Variants in ADAMTSL1 observed in about 807,000 individuals in gnomAD.
ADAMTSL1 encodes the protein ADAMTS-like protein 1.
Under a neutral mutation model 201.8 loss-of-function variants are expected in ADAMTSL1, and 126 were observed. That is an observed-to-expected ratio of 0.62 (90% CI 0.54 to 0.72). The LOEUF (loss-of-function observed/expected upper bound fraction) is 0.72, where lower values mean the gene tolerates loss of function less well. Ranked by LOEUF, ADAMTSL1 falls within the 30% of genes least tolerant of loss-of-function variation. The pLI, the probability that ADAMTSL1 is intolerant of heterozygous loss-of-function variation, is 0.00. For missense variants in ADAMTSL1, 2,679 were observed against 2,277.8 expected, an observed-to-expected ratio of 1.18 and a Z score of -3.59; for synonymous variants, 1,121 against 903.4, an observed-to-expected ratio of 1.24 and a Z score of -4.32.
chr9:18,348,353 T>G (rs1835816253), intron 2 of ADAMTSL1, among the ~76,000 whole-genome samples: 1 of 152,164 alleles, frequency 6.6e-6, no homozygotes, highest in Non-Finnish European at 1.5e-5. Flanking sequence ...CTTCCACTAC[T>G]GCTGCTTTTC....
intron 20 of ADAMTSL1, among the ~76,000 whole-genome samples, chr9:18,815,058 C>G (rs1368556454): frequency 1.3e-5 from 2 of 152,046 alleles, no homozygotes; most frequent in African/African-American, 4.8e-5. Flanking sequence ...CAAAAAATAG[C>G]AAATACTGGC....
chr9:18,206,235 T>G lies in ADAMTSL1; in HGVS notation c.207+42254T>G, dbSNP rs1251845634. On this transcript the variant is annotated intron_variant, in intron 2 of 29. Coordinates refer to the ADAMTSL1 transcript ENST00000680146. The stretch of plus-strand genomic sequence containing the variant: ...GTTCCTTAGAAGCTGATGTATTTTT[T>G]TGTGTGTGTGTCCTTGTTCCTTGCC... 3.9e-5 allele frequency among the ~76,000 whole-genome samples: 6 copies of G among 152,154 alleles called. 1 individual carries two copies. The highest frequency in any genetic ancestry group is 2.0e-4 in the Admixed American group (3 of 15,262).
intron 2 of ADAMTSL1, among the ~76,000 whole-genome samples, chr9:18,460,654 G>T (rs10733354): frequency 6.6e-6 from 1 of 151,974 alleles, no homozygotes; most frequent in Non-Finnish European, 1.5e-5. Flanking sequence ...CTATCGCTAC[G>T]CTCAGCTTCT....
At chr9:17,916,626 G>A (rs983058634) in intron 1 of ADAMTSL1, among the ~76,000 whole-genome samples, 1 of 152,098 alleles carries the variant, frequency 6.6e-6, no homozygotes, top group Admixed American at 6.6e-5. Flanking sequence ...CCACACACGC[G>A]TAGGTCTATT....
chr9:18,811,273 C>T (rs996499624), intron 20 of ADAMTSL1, among the ~76,000 whole-genome samples: 1 of 152,138 alleles, frequency 6.6e-6, no homozygotes, highest in Admixed American at 6.5e-5. Flanking sequence ...ATTTTCAGTC[C>T]TCGTTCATTA....
At chr9:18,751,080 A>C (rs549994185) in intron 15 of ADAMTSL1, among the ~76,000 whole-genome samples, 1 of 152,342 alleles carries the variant, frequency 6.6e-6, no homozygotes, top group Admixed American at 6.5e-5. Context: ...CACTAAGTCT[A>C]GCCCATACTC....
At chr9:18,901,055 A>C (rs1829988900) in intron 26 of ADAMTSL1, among the ~76,000 whole-genome samples, 2 of 152,230 alleles carry the variant, frequency 1.3e-5, no homozygotes, top group South Asian at 4.2e-4. Context: ...TATGATTGTA[A>C]GCTTCCTGAG....
At chr9:18,200,010 C>T (rs941151405) in intron 2 of ADAMTSL1, among the ~76,000 whole-genome samples, 1 of 151,904 alleles carries the variant, frequency 6.6e-6, no homozygotes, top group East Asian at 1.9e-4. Flanking sequence ...TCTGATGGCT[C>T]ATAATAATGA....
At chr9:18,030,707 C>T (rs1820914709) in intron 1 of ADAMTSL1, among the ~76,000 whole-genome samples, 1 of 152,014 alleles carries the variant, frequency 6.6e-6, no homozygotes, top group African/African-American at 2.4e-5. Flanking sequence ...GAATTGACCT[C>T]TCTAGTAAAA....
At chr9:18,176,345 G>A (rs1184088094) in intron 2 of ADAMTSL1, among the ~76,000 whole-genome samples, 1 of 152,110 alleles carries the variant, frequency 6.6e-6, no homozygotes, top group Non-Finnish European at 1.5e-5. Flanking sequence ...ATTAAAATGT[G>A]AGCAATAGTA....
At chr9:18,285,787 A>G (rs1015104525) in intron 2 of ADAMTSL1, among the ~76,000 whole-genome samples, 4 of 152,098 alleles carry the variant, frequency 2.6e-5, no homozygotes, top group Non-Finnish European at 5.9e-5. Flanking sequence ...CTTCTCCAAT[A>G]TTAGAATTTT....
chr9:18,892,773 A>ATTCT (rs779963184), intron 26 of ADAMTSL1, among the ~76,000 whole-genome samples, 177 bp downstream of exon 26: 7 of 152,098 alleles, frequency 4.6e-5, no homozygotes, highest in Non-Finnish European at 8.8e-5. Flanking sequence ...CAGGCTTTTA[A>ATTCT]TTCTTTGTGT....
chr9:18,902,422 C>G (rs778116274), intron 26 of ADAMTSL1, among the ~76,000 whole-genome samples: 8 of 151,718 alleles, frequency 5.3e-5, no homozygotes, highest in Non-Finnish European at 1.2e-4. Context: ...TTTCCAACCA[C>G]AGGGAAGGAA....
At chr9:18,745,586 G>A (rs967002778) in intron 15 of ADAMTSL1, among the ~76,000 whole-genome samples, 7 of 152,080 alleles carry the variant, frequency 4.6e-5, no homozygotes, top group African/African-American at 7.2e-5. Flanking sequence ...CTGGGCACTC[G>A]ATTTGCTTGA....
At chr9:18,093,821 G>A (rs1824128065) in intron 1 of ADAMTSL1, among the ~76,000 whole-genome samples, 2 of 152,290 alleles carry the variant, frequency 1.3e-5, no homozygotes, top group South Asian at 2.1e-4. Flanking sequence ...GAAAGCTGGT[G>A]TTTGAACCAA....
intron 3 of ADAMTSL1, among the ~76,000 whole-genome samples, chr9:18,569,041 A>G (rs1822121781): frequency 1.3e-5 from 2 of 152,106 alleles, no homozygotes; most frequent in Non-Finnish European, 2.9e-5. Flanking sequence ...CCATTTTAAA[A>G]CCTTTTATAT....
Position 18,232,217 on chromosome 9 carries a change from A to T in ADAMTSL1, c.207+68236A>T, listed in dbSNP as rs1044249749. Among the ~76,000 whole-genome samples the T allele has an allele frequency of 2.0e-5, 3 of 152,142 alleles. No homozygotes were observed. The East Asian group carries it at 5.8e-4, about 29-fold the overall frequency. On this transcript the variant is annotated intron_variant, in intron 2 of 29. Transcript: ENST00000680146. Reference sequence around the variant, plus strand: ...CTAGCTTCCTTGCTCTTCTCCAGACATGCCTGCCTGGATCCTTTATACTTG... The same window carrying T: ...CTAGCTTCCTTGCTCTTCTCCAGACTTGCCTGCCTGGATCCTTTATACTTG...
chr9:18,628,398 C>T (rs1826532863), intron 5 of ADAMTSL1, among the ~76,000 whole-genome samples: 1 of 152,118 alleles, frequency 6.6e-6, no homozygotes, highest in Non-Finnish European at 1.5e-5. Flanking sequence ...ATTGCCGTTT[C>T]TCTGAGGGTC....
chr9:18,888,954 T>G (rs973123831), intron 24 of ADAMTSL1, among the ~76,000 whole-genome samples: 1 of 152,206 alleles, frequency 6.6e-6, no homozygotes, highest in African/African-American at 2.4e-5. Context: ...AGGGCCTATT[T>G]GCAAGACTTG....
Sources: allele counts gnomAD v4.1 joint callset (sites outside exome capture counted in the v4.1 genomes callset), GRCh38; gene constraint gnomAD v4.1.1; transcripts MANE v1.5; gene names NCBI Gene and HGNC (gene_info 2026-07-23, HGNC 2026-07-21).